CPED1: variants seen among roughly 807,000 people sequenced by gnomAD.
The protein encoded by CPED1 is cadherin like and PC-esterase domain containing 1, also known as cadherin-like and PC-esterase domain-containing protein 1.
Under a neutral mutation model 128.2 loss-of-function variants are expected in CPED1, and 114 were observed. The observed-to-expected ratio is 0.89, with a 90% CI of 0.76 to 1.04. CPED1 has a LOEUF of 1.04. Among genes scored for constraint, CPED1 ranks in the 50% least tolerant of loss-of-function variants. The probability of loss-of-function intolerance (pLI) is 0.00; values close to 1 mark genes in which losing one functional copy is unlikely to be tolerated. For synonymous variants in CPED1, 462 were observed against 426.7 expected (o/e 1.08, Z -1.02); for missense variants, 1,211 against 1,207.1 (o/e 1.00, Z -0.05).
rs183790622 is a variant in CPED1, at chr7:121,263,745, A to G, written c.2311-2482A>G. ...TTTCTCAACCTTTGTATTGTTCTGCATAGCCCACAATACAGATATCTAGGG... is the reference window on the plus strand; with the variant it reads ...TTTCTCAACCTTTGTATTGTTCTGCGTAGCCCACAATACAGATATCTAGGG... On this transcript the variant is annotated intron_variant, in intron 18 of 22. Coordinates refer to ENST00000310396, the MANE Select transcript of CPED1 (RefSeq NM_024913.5). 4.6e-5 allele frequency among the ~76,000 whole-genome samples: 7 copies of G among 152,146 alleles called. No individual in the cohort carries two copies. The East Asian group carries it at 1.4e-3, about 29-fold the overall frequency.
intron 17 of CPED1, among the ~76,000 whole-genome samples, chr7:121,243,734 T>G (rs561119584): frequency 6.6e-6 from 1 of 152,300 alleles, no homozygotes; most frequent in Admixed American, 6.5e-5. Flanking sequence ...ATTATCATCA[T>G]ACTGAAGTAG....
rs1476789815 is a variant in CPED1 at position 121,140,894 on chromosome 7, T to C, written c.1767T>C (p.Phe589=). 4 of 1,612,598 alleles carry C rather than the reference T, an allele frequency of 2.5e-6. No individual in the cohort carries two copies. The highest frequency in any genetic ancestry group is 1.7e-6 in the Non-Finnish European group (2 of 1,179,086). ...CACATTTGGAACTAAATCCTGACTT[T>C]CATCCAAAGATCAAAGATTATTACT... ...THPHLELNPD[F]HPKIKDYYCE... is the part of the protein sequence containing the mutation. The change falls in exon 15 of 23, where the codon TTT becomes TTC. Residue 589 remains phenylalanine (F), a synonymous_variant. Coordinates refer to ENST00000310396, the MANE Select transcript of CPED1 (RefSeq NM_024913.5).
chr7:121,251,502 A>G (rs1248737211), intron 18 of CPED1, among the ~76,000 whole-genome samples: 3 of 152,182 alleles, frequency 2.0e-5, no homozygotes, highest in South Asian at 2.1e-4. Context: ...AGGGCATTCA[A>G]TTAGGAAAAG....
chr7:121,134,908 T>C (rs1416569694), intron 13 of CPED1, among the ~76,000 whole-genome samples: 2 of 151,934 alleles, frequency 1.3e-5, no homozygotes, highest in Non-Finnish European at 2.9e-5. Context: ...AAGGAAATAA[T>C]ATATACAAAA....
chr7:121,074,128 A>G (rs930868293), intron 5 of CPED1, among the ~76,000 whole-genome samples: 9 of 152,092 alleles, frequency 5.9e-5, no homozygotes, highest in Admixed American at 5.9e-4. Context: ...AATTAGAGAC[A>G]TTGTGTTTGA....
At chr7:121,139,509 G>C (rs1554440046) in intron 14 of CPED1, among the ~76,000 whole-genome samples, 1 of 151,718 alleles carries the variant, frequency 6.6e-6, no homozygotes. Context: ...TCATGGATTT[G>C]GTGGTGCACC....
At chr7:121,215,825 A>G (rs962788207) in intron 16 of CPED1, among the ~76,000 whole-genome samples, 2 of 152,100 alleles carry the variant, frequency 1.3e-5, no homozygotes, top group Non-Finnish European at 2.9e-5. Context: ...GAGTTTTTAA[A>G]AAGATGTCTT....
intron 18 of CPED1, among the ~76,000 whole-genome samples, chr7:121,256,141 A>AC (rs1791867559): frequency 1.4e-5 from 2 of 143,494 alleles, no homozygotes; most frequent in African/African-American, 5.3e-5. Flanking sequence ...AAAAAAAAAA[A>AC]CAAAGCTTAT....
intron 2 of CPED1, among the ~76,000 whole-genome samples, chr7:120,998,103 C>T (rs1338525537): frequency 6.6e-6 from 1 of 152,054 alleles, no homozygotes; most frequent in South Asian, 2.1e-4. Context: ...TTGCGGCAAA[C>T]CCCCGGAAAC....
intron 2 of CPED1, among the ~76,000 whole-genome samples, chr7:121,010,243 A>AT (rs942917300): frequency 8.6e-5 from 13 of 151,310 alleles, no homozygotes; most frequent in Non-Finnish European, 1.5e-4. Context: ...TTGGGAATAC[A>AT]TTTTTTTTTA....
chr7:121,107,175 T>G (rs2116249700), intron 7 of CPED1, among the ~76,000 whole-genome samples: 1 of 152,228 alleles, frequency 6.6e-6, no homozygotes, highest in African/African-American at 2.4e-5. Context: ...CTCCCTGCAA[T>G]CTTCCTAAAT....
intron 7 of CPED1, among the ~76,000 whole-genome samples, chr7:121,116,936 T>C (rs1354640220): frequency 1.6e-5 from 2 of 125,576 alleles, no homozygotes; most frequent in Non-Finnish European, 3.3e-5. Flanking sequence ...AAATACAACA[T>C]AGAAACTCTC....
chr7:121,244,102 C>T, intron 17 of CPED1, 100 bp from the exon 18 acceptor site: 1 of 1,370,690 alleles, frequency 7.3e-7, no homozygotes, highest in Non-Finnish European at 1.0e-6. Flanking sequence ...GATGGTCTTA[C>T]TATAATTTCT....
intron 16 of CPED1, among the ~76,000 whole-genome samples, chr7:121,159,896 A>G (rs1177815399): frequency 6.6e-6 from 1 of 152,230 alleles, no homozygotes; most frequent in Non-Finnish European, 1.5e-5. Flanking sequence ...ACAAAATTAA[A>G]TACATGCCCT....
chr7:121,234,496 T>G (rs1419424109), intron 16 of CPED1, among the ~76,000 whole-genome samples: 1 of 152,082 alleles, frequency 6.6e-6, no homozygotes, highest in African/African-American at 2.4e-5. Flanking sequence ...TCTAACATGG[T>G]ACCTCCTAGA....
chr7:121,293,050 G>A (rs1317291767), intron 22 of CPED1, among the ~76,000 whole-genome samples: 1 of 152,184 alleles, frequency 6.6e-6, no homozygotes, highest in Middle Eastern at 3.2e-3. Context: ...CTAGTGCTGT[G>A]TTGGGAGATC....
At chr7:121,094,456 C>T (rs192705327) in intron 5 of CPED1, among the ~76,000 whole-genome samples, 23 of 152,202 alleles carry the variant, frequency 1.5e-4, no homozygotes, top group African/African-American at 4.1e-4. Context: ...AAGAAGTAAT[C>T]GAATAAAATG....
intron 5 of CPED1, among the ~76,000 whole-genome samples, chr7:121,097,181 T>C (rs1336125701): frequency 1.3e-5 from 2 of 152,174 alleles, no homozygotes; most frequent in Non-Finnish European, 2.9e-5. Context: ...GTTCTTTATT[T>C]TTATATACCT....
At chr7:121,115,177 C>T (rs1051512492) in intron 7 of CPED1, among the ~76,000 whole-genome samples, 1 of 152,180 alleles carries the variant, frequency 6.6e-6, no homozygotes, top group African/African-American at 2.4e-5. Flanking sequence ...ATGGAGATGA[C>T]ATGGATTTGG....
Sources: allele counts gnomAD v4.1 joint callset (sites outside exome capture counted in the v4.1 genomes callset), GRCh38; gene constraint gnomAD v4.1.1; transcripts MANE v1.5; gene names NCBI Gene and HGNC (gene_info 2026-07-23, HGNC 2026-07-21).